ADAMTSL3: variants seen among roughly 807,000 people sequenced by gnomAD.
The protein encoded by ADAMTSL3 is ADAMTS-like protein 3.
Under a neutral mutation model 201.7 loss-of-function variants are expected in ADAMTSL3, and 128 were observed. The ratio of observed to expected loss-of-function variants is 0.63; its 90% confidence interval spans 0.55 to 0.73. The LOEUF (loss-of-function observed/expected upper bound fraction) is 0.73. Among genes scored for constraint, ADAMTSL3 ranks in the 30% least tolerant of loss-of-function variants. The pLI, the probability that ADAMTSL3 is intolerant of heterozygous loss-of-function variation, is 0.00. For synonymous variants in ADAMTSL3, 738 were observed against 748.4 expected, an observed-to-expected ratio of 0.99 and a Z score of 0.23; for missense variants, 1,990 against 2,119.6, an observed-to-expected ratio of 0.94 and a Z score of 1.20.
chr15:83,903,917 C>CAAAAAAAAAAAAAAAAAAAAAAAAAAAAA (rs1168502648), intron 15 of ADAMTSL3, among the ~76,000 whole-genome samples: 7 of 19,274 alleles, frequency 3.6e-4, no homozygotes, highest in Admixed American at 1.0e-3. Context: ...GACTCCACAT[C>CAAAAAAAAAAAAAAAAAAAAAAAAAAAAA]AAAAAAAAAA....
At chr15:83,994,412 C>T (rs971527526) in intron 23 of ADAMTSL3, among the ~76,000 whole-genome samples, 7 of 152,050 alleles carry the variant, frequency 4.6e-5, no homozygotes, top group African/African-American at 1.7e-4. Flanking sequence ...GCAAATAAAT[C>T]AAGTTTAACA....
chr15:83,715,373 A>T (rs1253209176), intron 3 of ADAMTSL3, among the ~76,000 whole-genome samples: 1 of 152,238 alleles, frequency 6.6e-6, no homozygotes, highest in African/African-American at 2.4e-5. Flanking sequence ...ACATGGCTAC[A>T]TACATGAATA....
At chr15:83,880,661 A>G (rs1195730430) in intron 9 of ADAMTSL3, among the ~76,000 whole-genome samples, 1 of 152,152 alleles carries the variant, frequency 6.6e-6, no homozygotes, top group African/African-American at 2.4e-5. Context: ...TCCCCATCTT[A>G]TAATTTGATT....
chr15:83,961,773 C>G (rs2066974684), intron 19 of ADAMTSL3: 1 of 152,032 alleles, frequency 6.6e-6, no homozygotes, highest in South Asian at 2.1e-4. Context: ...AACAGAGAAT[C>G]CAGGAATGCA....
At chr15:83,698,164 A>C (rs1171616083) in intron 2 of ADAMTSL3, among the ~76,000 whole-genome samples, 2 of 152,162 alleles carry the variant, frequency 1.3e-5, no homozygotes, top group Admixed American at 1.3e-4. Flanking sequence ...AACCTTAGTC[A>C]GAGGCCACAT....
intron 2 of ADAMTSL3, among the ~76,000 whole-genome samples, chr15:83,691,833 C>T (rs532149547): frequency 4.6e-5 from 7 of 152,250 alleles, no homozygotes; most frequent in Non-Finnish European, 8.8e-5. Flanking sequence ...ATGCTGGTCT[C>T]GAACTCCTGA....
chr15:83,992,530 G>T lies in ADAMTSL3; in HGVS notation c.3973+1316G>T, dbSNP rs78808089. On this transcript the variant is annotated intron_variant, in intron 23 of 29. Coordinates refer to ENST00000286744, the MANE Select transcript of ADAMTSL3 (RefSeq NM_207517.3). ...GGAACTCTGCAGATGCCAAGCCACA[G>T]ATGTCTAAAGTTTCTACAGCCCTAT... is the stretch of plus-strand genomic sequence containing the variant. Among the ~76,000 whole-genome samples, 1,085 of 152,308 alleles carry T rather than the reference G, an allele frequency of 7.1e-3. 21 individuals carry two copies. Among genetic ancestry groups the T allele is most frequent in the African/African-American group, 0.025 (1,033 of 41,554 alleles).
intron 2 of ADAMTSL3, among the ~76,000 whole-genome samples, chr15:83,690,166 T>TA (rs1428788999): frequency 4.6e-5 from 7 of 152,306 alleles, no homozygotes; most frequent in Admixed American, 3.3e-4. Flanking sequence ...CCTGGAATGT[T>TA]ACAGCGGCCT....
At chr15:83,876,702 A>G (rs1290242483) in intron 9 of ADAMTSL3, among the ~76,000 whole-genome samples, 1 of 151,558 alleles carries the variant, frequency 6.6e-6, no homozygotes, top group Non-Finnish European at 1.5e-5. Context: ...CACAATCATG[A>G]CTCACTGCAG....
At chr15:83,907,047 TCACAC>T (rs2065849776) in intron 15 of ADAMTSL3, among the ~76,000 whole-genome samples, 1 of 141,442 alleles carries the variant, frequency 7.1e-6, no homozygotes, top group Non-Finnish European at 1.5e-5. Context: ...TGAGCCGTGA[TCACAC>T]CACTGCACTC....
At chr15:83,890,304 T>A in intron 11 of ADAMTSL3, 57 bp downstream of exon 11, 1 of 1,591,052 alleles carries the variant, frequency 6.3e-7, no homozygotes, top group Non-Finnish European at 8.5e-7. Context: ...CAGCTTCAAC[T>A]GAGACTGATC....
rs536880667 is a variant in ADAMTSL3, at chr15:83,855,748, A to T, written c.728-3018A>T. 1.2e-4 allele frequency among the ~76,000 whole-genome samples: 18 copies of T among 152,346 alleles called. No homozygotes were observed. In the South Asian group the frequency reaches 3.7e-3, roughly 32 times the overall value. ...GCCTTTGGTTAATTTCCAGAGTTTTAAAAATGTTGGTTCTGACCATGTTTT... is the reference window on the plus strand; with the variant it reads ...GCCTTTGGTTAATTTCCAGAGTTTTTAAAATGTTGGTTCTGACCATGTTTT... On this transcript the variant is annotated intron_variant, in intron 7 of 29. Transcript: ENST00000286744.
intron 20 of ADAMTSL3, among the ~76,000 whole-genome samples, chr15:83,981,497 A>G (rs542989835): frequency 6.6e-6 from 1 of 152,336 alleles, no homozygotes; most frequent in African/African-American, 2.4e-5. Context: ...CTTAATTTTT[A>G]CTTCCCTCCC....
intron 23 of ADAMTSL3, among the ~76,000 whole-genome samples, chr15:83,995,506 T>C (rs1475962215): frequency 6.6e-6 from 1 of 152,108 alleles, no homozygotes; most frequent in Non-Finnish European, 1.5e-5. Flanking sequence ...CTATATCTGT[T>C]CAACACTGCG....
At chr15:83,843,250 T>A (rs1295334564) in intron 7 of ADAMTSL3, among the ~76,000 whole-genome samples, 4 of 108,310 alleles carry the variant, frequency 3.7e-5, no homozygotes, top group East Asian at 3.2e-4. Context: ...GTCCTTTTTT[T>A]TAAAAAAAAT....
intron 13 of ADAMTSL3, among the ~76,000 whole-genome samples, chr15:83,896,836 C>T (rs192572135): frequency 6.6e-6 from 1 of 152,258 alleles, no homozygotes; most frequent in Non-Finnish European, 1.5e-5. Context: ...CACAGTTCCA[C>T]ATGTCTGGGG....
chr15:83,924,571 T>C (rs950295055), intron 17 of ADAMTSL3, among the ~76,000 whole-genome samples: 1 of 152,208 alleles, frequency 6.6e-6, no homozygotes, highest in Non-Finnish European at 1.5e-5. Context: ...GAGGGTGATC[T>C]TCTTGATCTC....
At chr15:83,895,650 C>T (rs984000246) in intron 13 of ADAMTSL3, among the ~76,000 whole-genome samples, 3 of 152,084 alleles carry the variant, frequency 2.0e-5, no homozygotes, top group East Asian at 1.9e-4. Context: ...CTTCCCAGAA[C>T]GGCGGTTTAA....
At chr15:83,921,024 CCATTT>C (rs1415113646) in intron 16 of ADAMTSL3, among the ~76,000 whole-genome samples, 2 of 152,132 alleles carry the variant, frequency 1.3e-5, no homozygotes, top group African/African-American at 4.8e-5. Context: ...CAAAAACTAT[CCATTT>C]CATGAGGATA....
Sources: gnomAD v4.1 joint callset for allele counts (sites outside exome capture counted in the v4.1 genomes callset) on GRCh38, gnomAD v4.1.1 for gene constraint, MANE v1.5 for transcripts, NCBI Gene and HGNC (gene_info 2026-07-23, HGNC 2026-07-21) for gene names.